Variants in PTPRT observed in about 807,000 individuals in gnomAD.
The protein encoded by PTPRT is receptor-type tyrosine-protein phosphatase T.
In PTPRT, 56 loss-of-function variants were observed where a neutral mutation model predicts 176.8. That is an observed-to-expected ratio of 0.32 (90% CI 0.26 to 0.40). PTPRT has a LOEUF of 0.40. Among genes scored for constraint, PTPRT ranks in the 10% least tolerant of loss-of-function variants. The pLI is 1.00. For missense variants in PTPRT, 1,540 were observed against 1,908.2 expected (o/e 0.81, Z 3.60); for synonymous variants, 783 against 739.0 (o/e 1.06, Z -0.96).
At chr20:42,044,388 C>T in the PTPRT span, among the ~76,000 whole-genome samples, 2 of 152,214 alleles carry the variant, frequency 1.3e-5, no homozygotes, top group Non-Finnish European at 2.9e-5. Flanking sequence ...CAGGCCCAGG[C>T]TCATTCTGGT....
At chr20:42,892,144 C>A (rs1017884349) in intron 1 of PTPRT, among the ~76,000 whole-genome samples, 1 of 152,124 alleles carries the variant, frequency 6.6e-6, no homozygotes, top group African/African-American at 2.4e-5. Context: ...AGGAACTTAC[C>A]CAGCGAGGGA....
At chr20:42,283,807 T>C (rs1358210178) in intron 12 of PTPRT, among the ~76,000 whole-genome samples, 1 of 152,088 alleles carries the variant, frequency 6.6e-6, no homozygotes, top group African/African-American at 2.4e-5. Context: ...AATCCTCCCA[T>C]GTATCCAGAA....
chr20:43,019,609 C>T (rs1985553410), intron 1 of PTPRT, among the ~76,000 whole-genome samples: 1 of 140,318 alleles, frequency 7.1e-6, no homozygotes, highest in East Asian at 2.0e-4. Context: ...CAGAGCGAGA[C>T]ACCGTCTCAA....
intron 16 of PTPRT, among the ~76,000 whole-genome samples, chr20:42,173,502 G>A (rs1478180060): frequency 1.3e-5 from 2 of 151,614 alleles, no homozygotes; most frequent in Non-Finnish European, 2.9e-5. Context: ...TTTTCTTTTT[G>A]TCAAAATTCT....
intron 1 of PTPRT, among the ~76,000 whole-genome samples, chr20:43,127,397 T>C (rs1281455611): frequency 6.9e-6 from 1 of 144,532 alleles, no homozygotes; most frequent in Admixed American, 7.4e-5. Flanking sequence ...CACTCCTGCC[T>C]GGGCAACAGA....
intron 7 of PTPRT, among the ~76,000 whole-genome samples, chr20:42,475,844 G>A (rs2071279222): frequency 6.6e-6 from 1 of 152,124 alleles, no homozygotes; most frequent in Admixed American, 6.5e-5. Context: ...AGAAGACAAG[G>A]ATATCGTGAT....
At chr20:43,058,141 G>A (rs1987316186) in intron 1 of PTPRT, among the ~76,000 whole-genome samples, 1 of 152,104 alleles carries the variant, frequency 6.6e-6, no homozygotes, top group Non-Finnish European at 1.5e-5. Flanking sequence ...AGTGCCCAGT[G>A]ACCTTTTCTT....
chr20:42,174,423 C>T (rs763627487), intron 16 of PTPRT, among the ~76,000 whole-genome samples: 1 of 152,210 alleles, frequency 6.6e-6, no homozygotes, highest in East Asian at 1.9e-4. Flanking sequence ...AAATGGAAAG[C>T]GACTCTGCAT....
chr20:42,301,617 G>A (rs2057469159), intron 12 of PTPRT, among the ~76,000 whole-genome samples: 1 of 152,114 alleles, frequency 6.6e-6, no homozygotes, highest in South Asian at 2.1e-4. Context: ...GTAAAGGGGT[G>A]ATTTATAGAC....
chr20:42,199,403 C>T lies in PTPRT; in HGVS notation c.2343-15G>A. ...TGGCCAGCTTCCTTTGGGACATGTGCAAGGGGAAAAAACCACAGTCAGATG... is the reference window on the plus strand; with the variant it reads ...TGGCCAGCTTCCTTTGGGACATGTGTAAGGGGAAAAAACCACAGTCAGATG... On this transcript the variant is annotated splice_polypyrimidine_tract_variant and intron_variant, in intron 15 of 30. Coordinates refer to ENST00000373187, the MANE Select transcript of PTPRT (RefSeq NM_007050.6). 6.2e-7 allele frequency: 1 copy of T among 1,609,910 alleles called. No homozygotes were observed. Among genetic ancestry groups the T allele is most frequent in the Non-Finnish European group, 8.5e-7 (1 of 1,178,300 alleles).
chr20:42,374,132 G>T (rs1445163833), intron 9 of PTPRT, among the ~76,000 whole-genome samples: 1 of 152,210 alleles, frequency 6.6e-6, no homozygotes, highest in African/African-American at 2.4e-5. Context: ...TCTGCCAGCT[G>T]CAGGGAAATG....
intron 9 of PTPRT, among the ~76,000 whole-genome samples, chr20:42,404,621 G>A (rs2058941938): frequency 6.6e-6 from 1 of 152,020 alleles, no homozygotes; most frequent in South Asian, 2.1e-4. Context: ...TTCCCCATTA[G>A]TAAAATCAAG....
At chr20:42,850,948 A>G (rs953926023) in intron 2 of PTPRT, among the ~76,000 whole-genome samples, 5 of 152,160 alleles carry the variant, frequency 3.3e-5, no homozygotes. Context: ...CCCCACAGAC[A>G]TCTTCCATCT....
At chr20:43,000,055 A>AAGGGAAGG (rs1157456092) in intron 1 of PTPRT, among the ~76,000 whole-genome samples, 1 of 113,620 alleles carries the variant, frequency 8.8e-6, no homozygotes, top group Non-Finnish European at 1.8e-5. Context: ...GGAAGGGAAG[A>AAGGGAAGG]AGGGAAGGAG....
intron 6 of PTPRT, among the ~76,000 whole-genome samples, chr20:42,689,582 G>A (rs2075758834): frequency 6.6e-6 from 1 of 152,190 alleles, no homozygotes; most frequent in Non-Finnish European, 1.5e-5. Context: ...ACACAGAATA[G>A]TGGTCCCAAA....
At chr20:42,304,279 T>G (rs1316293895) in intron 12 of PTPRT, among the ~76,000 whole-genome samples, 1 of 152,140 alleles carries the variant, frequency 6.6e-6, no homozygotes, top group East Asian at 1.9e-4. Flanking sequence ...CATACTCTAT[T>G]CAAATTTGAT....
At chr20:42,224,565 G>A (rs2055961557) in intron 15 of PTPRT, among the ~76,000 whole-genome samples, 1 of 152,184 alleles carries the variant, frequency 6.6e-6, no homozygotes, top group African/African-American at 2.4e-5. Flanking sequence ...GCTTCACGAT[G>A]CTCTTTCAAA....
chr20:43,045,740 G>A (rs1324171641), intron 1 of PTPRT, among the ~76,000 whole-genome samples: 1 of 151,350 alleles, frequency 6.6e-6, no homozygotes, highest in Admixed American at 6.6e-5. Context: ...CAGAATTACA[G>A]GTGTGAGCCA....
At chr20:42,652,116 C>A (rs1387277258) in intron 7 of PTPRT, among the ~76,000 whole-genome samples, 1 of 151,592 alleles carries the variant, frequency 6.6e-6, no homozygotes, top group Non-Finnish European at 1.5e-5. Context: ...ACTATATCTT[C>A]AATTGCTATT....
Sources: gnomAD v4.1 joint callset for allele counts (sites outside exome capture counted in the v4.1 genomes callset) on GRCh38, gnomAD v4.1.1 for gene constraint, MANE v1.5 for transcripts, NCBI Gene and HGNC (gene_info 2026-07-23, HGNC 2026-07-21) for gene names.